FBXL17: variants seen among roughly 807,000 people sequenced by gnomAD.
FBXL17 encodes F-box/LRR-repeat protein 17.
Under a neutral mutation model 66.2 loss-of-function variants are expected in FBXL17, and 22 were observed. That is an observed-to-expected ratio of 0.33 (90% CI 0.24 to 0.47). The LOEUF (loss-of-function observed/expected upper bound fraction) is 0.47, where lower values mean the gene tolerates loss of function less well. Ranked by LOEUF, FBXL17 falls within the 20% of genes least tolerant of loss-of-function variation. The pLI, the probability that FBXL17 is intolerant of heterozygous loss-of-function variation, is 1.00. For missense variants in FBXL17, 878 were observed against 948.2 expected (o/e 0.93, Z 0.97); for synonymous variants, 474 against 400.5 (o/e 1.18, Z -2.19).
At chr5:108,002,356 C>A (rs1015638247) in intron 7 of FBXL17, among the ~76,000 whole-genome samples, 1 of 151,890 alleles carries the variant, frequency 6.6e-6, no homozygotes, top group Non-Finnish European at 1.5e-5. Flanking sequence ...ACAAAAAAAA[C>A]TCCTTCTCTT....
chr5:107,887,569 T>C (rs993345583), intron 7 of FBXL17, among the ~76,000 whole-genome samples: 3 of 152,190 alleles, frequency 2.0e-5, no homozygotes, highest in Non-Finnish European at 2.9e-5. Flanking sequence ...TGCAAAGAAA[T>C]TTCTTGGCAC....
chr5:108,265,065 G>A (rs1188538222), intron 4 of FBXL17, among the ~76,000 whole-genome samples: 1 of 151,860 alleles, frequency 6.6e-6, no homozygotes, highest in Non-Finnish European at 1.5e-5. Context: ...TTTAAAAGAA[G>A]CAACAGAATA....
chr5:108,024,005 G>A (rs1288851365), intron 6 of FBXL17, among the ~76,000 whole-genome samples: 1 of 151,794 alleles, frequency 6.6e-6, no homozygotes, highest in African/African-American at 2.4e-5. Flanking sequence ...GTCTGTAGGA[G>A]CAAGCCATGA....
intron 6 of FBXL17, among the ~76,000 whole-genome samples, chr5:108,033,672 A>G (rs1466243108): frequency 6.6e-6 from 1 of 152,226 alleles, no homozygotes; most frequent in Non-Finnish European, 1.5e-5. Context: ...TAGTTTTATA[A>G]GAAACTGCCA....
At chr5:108,368,712 T>C (rs1196770420) in intron 1 of FBXL17, among the ~76,000 whole-genome samples, 1 of 152,074 alleles carries the variant, frequency 6.6e-6, no homozygotes, top group East Asian at 1.9e-4. Flanking sequence ...TAACTAATAG[T>C]AATGTACAAT....
At chr5:107,956,021 G>A (rs1046807415) in intron 7 of FBXL17, among the ~76,000 whole-genome samples, 1 of 152,064 alleles carries the variant, frequency 6.6e-6, no homozygotes, top group Non-Finnish European at 1.5e-5. Context: ...GCTTTCTTGG[G>A]AGGAAGAAAG....
chr5:107,977,904 G>A (rs1023459697), intron 7 of FBXL17, among the ~76,000 whole-genome samples: 4 of 152,296 alleles, frequency 2.6e-5, no homozygotes, highest in African/African-American at 9.6e-5. Flanking sequence ...GAAATCAGCT[G>A]CAGCTCTCTG....
chr5:107,894,517 G>A (rs1412631224), intron 7 of FBXL17, among the ~76,000 whole-genome samples: 2 of 152,090 alleles, frequency 1.3e-5, no homozygotes, highest in Non-Finnish European at 2.9e-5. Context: ...TGGGGCATAT[G>A]ATGCAAGATT....
At chr5:108,122,626 A>C (rs1750546754) in intron 6 of FBXL17, among the ~76,000 whole-genome samples, 1 of 152,102 alleles carries the variant, frequency 6.6e-6, no homozygotes, top group Non-Finnish European at 1.5e-5. Flanking sequence ...ACATTACAGA[A>C]ATGTAAAACG....
chr5:107,979,576 G>A (rs1369353156), intron 7 of FBXL17, among the ~76,000 whole-genome samples: 1 of 152,188 alleles, frequency 6.6e-6, no homozygotes. Flanking sequence ...AGACTCCAGA[G>A]TCTGACAGCT....
At chr5:108,376,545 T>C (rs1749435794) in intron 1 of FBXL17, among the ~76,000 whole-genome samples, 1 of 152,186 alleles carries the variant, frequency 6.6e-6, no homozygotes, top group Non-Finnish European at 1.5e-5. Flanking sequence ...ATTTCCAATT[T>C]GTTGGGTCAA....
chr5:107,970,627 C>T (rs1053923321), intron 7 of FBXL17, among the ~76,000 whole-genome samples: 17 of 152,186 alleles, frequency 1.1e-4, no homozygotes, highest in African/African-American at 3.6e-4. Flanking sequence ...GCTCTCTCTG[C>T]GTGCCTGGTA....
chr5:108,167,400 C>T (rs543811934), intron 6 of FBXL17, among the ~76,000 whole-genome samples: 26 of 152,156 alleles, frequency 1.7e-4, no homozygotes, highest in Middle Eastern at 3.4e-3. Context: ...AGCCTCCAAA[C>T]ATTTCACTAA....
At chr5:108,012,455 G>C (rs1754210897) in intron 7 of FBXL17, among the ~76,000 whole-genome samples, 1 of 152,028 alleles carries the variant, frequency 6.6e-6, no homozygotes, top group Admixed American at 6.6e-5. Context: ...GATCTCATGG[G>C]GTAGCGCTTT....
Position 108,020,934 on chromosome 5 carries a change from T to A in FBXL17, c.1813A>T (p.Thr605Ser). The change falls in exon 7 of 9, where the codon ACA (threonine) becomes TCA (serine). Residue 605 changes from threonine to serine, a missense_variant. By Grantham distance (58) the Thr-to-Ser change is moderately conservative. Coordinates refer to ENST00000542267, the MANE Select transcript of FBXL17 (RefSeq NM_001163315.3). ...ATGGTTCATTACCTACCATAATCTGTGATTTTACAGGACACCAAATATAGC... is the reference window on the plus strand; with the variant it reads ...ATGGTTCATTACCTACCATAATCTGAGATTTTACAGGACACCAAATATAGC... ...KELYLVSCKI[T>S]DYALIAIGRY... is the part of the protein sequence containing the mutation. The A allele has an allele frequency of 6.2e-7, 1 of 1,607,314 alleles. No homozygotes were observed. The highest frequency in any genetic ancestry group is 1.1e-5 in the South Asian group (1 of 90,908).
intron 4 of FBXL17, among the ~76,000 whole-genome samples, chr5:108,315,143 A>G (rs549753529): frequency 1.3e-5 from 2 of 151,178 alleles, no homozygotes; most frequent in African/African-American, 2.4e-5. Context: ...AGGAAAAAAC[A>G]TATAAATTTG....
In FBXL17 at chr5:108,346,201, T is replaced by C. The variant is rs1413633494; in HGVS notation, c.1506+2198A>G. Among the ~76,000 whole-genome samples the C allele has an allele frequency of 2.0e-5, 3 of 152,114 alleles. No individual in the cohort carries two copies. In the East Asian group the frequency reaches 5.8e-4, roughly 29 times the overall value. On this transcript the variant is annotated intron_variant, in intron 4 of 8. Transcript: ENST00000542267. ...AGGAGGTTAGTTATCAATATCTCAA[T>C]TATCCAATAAAGAGTTCAAATTATT...
At chr5:108,294,187 A>G (rs1415653779) in intron 4 of FBXL17, among the ~76,000 whole-genome samples, 8 of 149,068 alleles carry the variant, frequency 5.4e-5, no homozygotes, top group Non-Finnish European at 8.9e-5. Context: ...AGAAAACTAC[A>G]TATCAACAGT....
At chr5:108,330,685 A>T (rs1760079068) in intron 4 of FBXL17, among the ~76,000 whole-genome samples, 1 of 152,142 alleles carries the variant, frequency 6.6e-6, no homozygotes, top group African/African-American at 2.4e-5. Flanking sequence ...ATATTGTTTT[A>T]TACATACACA....
Sources: allele counts gnomAD v4.1 joint callset (sites outside exome capture counted in the v4.1 genomes callset), GRCh38; gene constraint gnomAD v4.1.1; transcripts MANE v1.5; gene names NCBI Gene and HGNC (gene_info 2026-07-23, HGNC 2026-07-21).